The following UGT1A7 variants were observed in gnomAD, a reference collection of about 807,000 sequenced individuals.
UGT1A7 encodes UDP glucuronosyltransferase family 1 member A7, also known as UDP-glucuronosyltransferase 1A7.
In UGT1A7, 33 loss-of-function variants were observed where a neutral mutation model predicts 45.6. That is an observed-to-expected ratio of 0.72 (90% CI 0.55 to 0.97). UGT1A7 has a LOEUF of 0.97. Among genes scored for constraint, UGT1A7 ranks in the 50% least tolerant of loss-of-function variants. The pLI is 0.00. For synonymous variants in UGT1A7, 274 were observed against 250.6 expected (o/e 1.09, Z -0.88); for missense variants, 684 against 666.2 (o/e 1.03, Z -0.29).
chr2:233,760,472 C>G lies in UGT1A7; in HGVS notation c.856-6562C>G, dbSNP rs1344623676. 2 of 1,614,230 alleles carry G rather than the reference C, an allele frequency of 1.2e-6. No individual in the cohort carries two copies. The highest frequency in any genetic ancestry group is 1.7e-6 in the Non-Finnish European group (2 of 1,180,034). ...GGACATGAAATAGTTGTCCTAGCACCTGACGCCTCGTTGTACATCAGAGAC... is the reference window on the plus strand; with the variant it reads ...GGACATGAAATAGTTGTCCTAGCACGTGACGCCTCGTTGTACATCAGAGAC... On this transcript the variant is annotated intron_variant, in intron 1 of 4. Coordinates refer to ENST00000373426, the MANE Select transcript of UGT1A7 (RefSeq NM_019077.3).
chr2:233,743,667 C>A, intron 1 of UGT1A7: 1 of 1,367,226 alleles, frequency 7.3e-7, no homozygotes, highest in Non-Finnish European at 9.8e-7. Context: ...AAGGGGTCCT[C>A]GAAGGGCCTG....
At chr2:233,743,869 G>C (rs763783144) in intron 1 of UGT1A7, 3 of 1,367,140 alleles carry the variant, frequency 2.2e-6, no homozygotes, top group Non-Finnish European at 2.9e-6. Context: ...TGATGGCCTC[G>C]GATGAGGCCT....
At chr2:233,698,366 A>T (rs757366635) in intron 1 of UGT1A7, among the ~76,000 whole-genome samples, 3 of 152,230 alleles carry the variant, frequency 2.0e-5, no homozygotes, top group Non-Finnish European at 2.9e-5. Context: ...GCTGAATGCC[A>T]TGAAATTGTT....
In UGT1A7 at chr2:233,760,715, G is replaced by A. The variant is rs1559407347; in HGVS notation, c.856-6319G>A. ...GAGCTCATGGCCTCCCTGGCAGAAA[G>A]CAGCTTTGATGTCATGCTGACGGAC... is the stretch of plus-strand genomic sequence containing the variant. On this transcript the variant is annotated intron_variant, in intron 1 of 4. Transcript: ENST00000373426. The A allele has an allele frequency of 1.2e-6, 2 of 1,614,196 alleles. No individual in the cohort carries two copies. The highest frequency in any genetic ancestry group is 1.3e-5 in the African/African-American group (1 of 75,042).
intron 1 of UGT1A7, among the ~76,000 whole-genome samples, chr2:233,733,262 T>A (rs11685892): frequency 0.53 from 80,164 of 151,964 alleles, 22,478 homozygotes; most frequent in African/African-American, 0.73. Flanking sequence ...AAACAGGGAC[T>A]ATTTGACTTC....
chr2:233,682,920 T>A, intron 1 of UGT1A7, 128 bp downstream of exon 1: 2 of 1,475,888 alleles, frequency 1.4e-6, no homozygotes, highest in South Asian at 2.8e-5. Context: ...AAGGAATTCT[T>A]TTGTACCAAT....
chr2:233,753,266 G>A (rs1351102535), intron 1 of UGT1A7: 2 of 152,220 alleles, frequency 1.3e-5, no homozygotes, highest in South Asian at 2.1e-4. Flanking sequence ...CAGGCACCTT[G>A]GAGCATGTTG....
At chr2:233,709,273 G>A (rs538437236) in intron 1 of UGT1A7, among the ~76,000 whole-genome samples, 1 of 152,244 alleles carries the variant, frequency 6.6e-6, no homozygotes, top group African/African-American at 2.4e-5. Flanking sequence ...TCCACGCTGT[G>A]AATTACCCTT....
At chr2:233,691,234 C>T in intron 1 of UGT1A7, 2 of 985,538 alleles carry the variant, frequency 2.0e-6, no homozygotes, top group Non-Finnish European at 2.4e-6. Flanking sequence ...AGTCTTATTG[C>T]TATCTAGATG....
At chr2:233,686,688 G>T (rs2074799720) in intron 1 of UGT1A7, among the ~76,000 whole-genome samples, 1 of 152,022 alleles carries the variant, frequency 6.6e-6, no homozygotes, top group Non-Finnish European at 1.5e-5. Flanking sequence ...TATTCTGGTG[G>T]TGCCCTCTGG....
At chr2:233,690,395 C>T in intron 1 of UGT1A7, 2 of 1,127,238 alleles carry the variant, frequency 1.8e-6, no homozygotes, top group Non-Finnish European at 2.3e-6. Context: ...CCAGACCTTC[C>T]TATTCCCAAC....
At chr2:233,697,074 A>G (rs568484645) in intron 1 of UGT1A7, among the ~76,000 whole-genome samples, 24 of 152,104 alleles carry the variant, frequency 1.6e-4, no homozygotes, top group African/African-American at 5.8e-4. Flanking sequence ...TTTTGGTATC[A>G]GGGTAACACT....
chr2:233,766,640 TATC>T (rs1314167466), intron 1 of UGT1A7, among the ~76,000 whole-genome samples: 1 of 152,156 alleles, frequency 6.6e-6, no homozygotes, highest in African/African-American at 2.4e-5. Context: ...CCTACTTCCA[TATC>T]ATTTAAAGGG....
At chr2:233,713,231 T>C in intron 1 of UGT1A7, 1 of 1,614,264 alleles carries the variant, frequency 6.2e-7, no homozygotes, top group South Asian at 1.1e-5. Flanking sequence ...TGACAACGTA[T>C]GCCATTTCAT....
chr2:233,713,220 C>G, intron 1 of UGT1A7: 1 of 1,614,254 alleles, frequency 6.2e-7, no homozygotes, highest in Non-Finnish European at 8.5e-7. Flanking sequence ...CTTTTTCACC[C>G]TGACAACGTA....
chr2:233,756,399 T>G (rs189386635), intron 1 of UGT1A7: 1 of 152,208 alleles, frequency 6.6e-6, no homozygotes. Flanking sequence ...CAGTATTGGT[T>G]TTTTATTTGT....
intron 1 of UGT1A7, among the ~76,000 whole-genome samples, chr2:233,757,380 C>T (rs980413878): frequency 1.3e-5 from 2 of 151,206 alleles, no homozygotes; most frequent in African/African-American, 4.9e-5. Context: ...CCAGATTCAG[C>T]ACTTACTTGC....
chr2:233,713,900 A>G, intron 1 of UGT1A7: 1 of 1,613,008 alleles, frequency 6.2e-7, no homozygotes, highest in South Asian at 1.1e-5. Flanking sequence ...TCCAGGCAAA[A>G]CACTTTTTAA....
chr2:233,747,435 T>C, intron 1 of UGT1A7: 2 of 1,608,866 alleles, frequency 1.2e-6, no homozygotes, highest in East Asian at 2.2e-5. Flanking sequence ...AGAGAAATTT[T>C]TCACCCTGAC....
Sources: allele counts gnomAD v4.1 joint callset (sites outside exome capture counted in the v4.1 genomes callset), GRCh38; gene constraint gnomAD v4.1.1; transcripts MANE v1.5; gene names NCBI Gene and HGNC (gene_info 2026-07-23, HGNC 2026-07-21).